RAD51B: variants seen among roughly 807,000 people sequenced by gnomAD.
RAD51B encodes DNA repair protein RAD51 homolog 2.
A neutral mutation model predicts 42.2 loss-of-function variants in RAD51B; 38 were observed. The ratio of observed to expected loss-of-function variants is 0.90; its 90% CI spans 0.70 to 1.18. The LOEUF (loss-of-function observed/expected upper bound fraction) is 1.18. Ranked by LOEUF, RAD51B falls within the 50% of genes most tolerant of loss-of-function variation. The pLI, the probability that RAD51B is intolerant of heterozygous loss-of-function variation, is 0.00. For missense variants in RAD51B, 373 were observed against 400.7 expected (o/e 0.93, Z 0.59); for synonymous variants, 154 against 145.2 (o/e 1.06, Z -0.43).
At chr14:68,186,111 G>A (rs574378234) in intron 7 of RAD51B, among the ~76,000 whole-genome samples, 1 of 152,296 alleles carries the variant, frequency 6.6e-6, no homozygotes, top group African/African-American at 2.4e-5. Context: ...AAGCAATGGG[G>A]AAAGGACTCA....
chr14:68,041,158 C>G (rs2076210920), intron 7 of RAD51B, among the ~76,000 whole-genome samples: 1 of 152,154 alleles, frequency 6.6e-6, no homozygotes, highest in Non-Finnish European at 1.5e-5. Flanking sequence ...CGCCTTTGCT[C>G]TCTCTCCTGT....
chr14:68,536,787 A>C (rs1476586), intron 10 of RAD51B, among the ~76,000 whole-genome samples: 32,478 of 152,096 alleles, frequency 0.21, 3,846 homozygotes, highest in South Asian at 0.3. Context: ...TCTTTCATTA[A>C]AAATTGAGAC....
chr14:68,032,500 C>T (rs2076063241), intron 7 of RAD51B, among the ~76,000 whole-genome samples: 1 of 152,136 alleles, frequency 6.6e-6, no homozygotes, highest in Non-Finnish European at 1.5e-5. Flanking sequence ...TGGCTCAAAT[C>T]AGAAAAATAG....
chr14:67,952,215 GA>G (rs35656945), intron 7 of RAD51B, among the ~76,000 whole-genome samples: 2,160 of 144,904 alleles, frequency 0.015, 41 homozygotes, highest in African/African-American at 0.04. Flanking sequence ...TTCATTTATA[GA>G]AAAAAAAAAA....
chr14:68,259,085 C>A (rs1001662432), intron 7 of RAD51B, among the ~76,000 whole-genome samples: 1 of 152,174 alleles, frequency 6.6e-6, no homozygotes, highest in Non-Finnish European at 1.5e-5. Context: ...GCTGCTCAGA[C>A]ATATTTGTGA....
At chr14:67,871,669 A>G (rs1439586685) in intron 5 of RAD51B, among the ~76,000 whole-genome samples, 1 of 152,176 alleles carries the variant, frequency 6.6e-6, no homozygotes, top group Non-Finnish European at 1.5e-5. Flanking sequence ...CTTGATGAAC[A>G]TTGATGCAAA....
At chr14:67,824,387 A>T (rs1282422964) in intron 2 of RAD51B, among the ~76,000 whole-genome samples, 1 of 152,060 alleles carries the variant, frequency 6.6e-6, no homozygotes, top group African/African-American at 2.4e-5. Flanking sequence ...TCTCCTGAGT[A>T]GCTGGGATTA....
intron 7 of RAD51B, among the ~76,000 whole-genome samples, chr14:68,128,332 G>T (rs1178289100): frequency 6.6e-6 from 1 of 152,102 alleles, no homozygotes; most frequent in Non-Finnish European, 1.5e-5. Flanking sequence ...ATCGCAAGAG[G>T]AGTTTCTTTG....
intron 11 of RAD51B, among the ~76,000 whole-genome samples, chr14:68,654,623 G>A (rs1203734696): frequency 2.0e-5 from 3 of 152,186 alleles, no homozygotes; most frequent in Non-Finnish European, 4.4e-5. Context: ...TTAGACCCCC[G>A]TGGGTGCTTG....
At chr14:68,218,954 T>C (rs112365093) in intron 7 of RAD51B, among the ~76,000 whole-genome samples, 197 of 152,328 alleles carry the variant, frequency 1.3e-3, no homozygotes, top group African/African-American at 4.4e-3. Flanking sequence ...CCAAGTCTGG[T>C]GACAGGACAA....
intron 7 of RAD51B, among the ~76,000 whole-genome samples, chr14:68,202,644 G>A (rs535536510): frequency 7.5e-6 from 1 of 133,430 alleles, no homozygotes; most frequent in South Asian, 2.4e-4. Context: ...GTGCAATGGT[G>A]TGATCTTGGT....
chr14:68,629,672 C>T (rs2140121780), intron 10 of RAD51B, among the ~76,000 whole-genome samples: 1 of 152,306 alleles, frequency 6.6e-6, no homozygotes. Flanking sequence ...CTGTTTGAGG[C>T]CTGACTGGGA....
intron 10 of RAD51B, among the ~76,000 whole-genome samples, chr14:68,633,271 A>G (rs1475801444): frequency 6.6e-6 from 1 of 151,990 alleles, no homozygotes; most frequent in African/African-American, 2.4e-5. Context: ...CAGAAACCTG[A>G]TTCTTTTCCT....
At chr14:68,461,617 C>G (rs1211239705) in intron 9 of RAD51B, among the ~76,000 whole-genome samples, 1 of 152,184 alleles carries the variant, frequency 6.6e-6, no homozygotes, top group African/African-American at 2.4e-5. Flanking sequence ...GGAAGTCTCC[C>G]CTACCCACCC....
intron 10 of RAD51B, among the ~76,000 whole-genome samples, chr14:68,622,689 G>T (rs1005705911): frequency 2.3e-5 from 3 of 131,050 alleles, no homozygotes; most frequent in Non-Finnish European, 4.6e-5. Context: ...TGACTTACAG[G>T]ATTTGATGCT....
At chr14:68,265,256 C>T (rs983340359) in intron 7 of RAD51B, among the ~76,000 whole-genome samples, 2 of 152,144 alleles carry the variant, frequency 1.3e-5, no homozygotes, top group African/African-American at 4.8e-5. Flanking sequence ...GTGATTTGGC[C>T]TTAGTAAAGT....
intron 8 of RAD51B, among the ~76,000 whole-genome samples, chr14:68,395,352 A>G (rs1364763732): frequency 1.3e-5 from 2 of 152,120 alleles, no homozygotes; most frequent in African/African-American, 4.8e-5. Context: ...TGCTACTTTT[A>G]AAGTTTGTGA....
rs1884456794 is a variant in RAD51B, at chr14:68,495,655, C to T, written c.1036+27405C>T. Reference sequence around the variant, plus strand: ...GGGCTCAGACCCCTTCCTCTCTGCTCATATGCCCCTAGATGGGAAACATTC... The same window carrying T: ...GGGCTCAGACCCCTTCCTCTCTGCTTATATGCCCCTAGATGGGAAACATTC... On this transcript the variant is annotated intron_variant, in intron 10 of 10. Coordinates refer to the RAD51B transcript ENST00000487270. 2.0e-5 allele frequency among the ~76,000 whole-genome samples: 3 copies of T among 152,174 alleles called. No individual in the cohort carries two copies. In the South Asian group the frequency reaches 6.2e-4, roughly 31 times the overall value.
chr14:68,434,148 C>T (rs2085086469), intron 9 of RAD51B, among the ~76,000 whole-genome samples: 1 of 152,194 alleles, frequency 6.6e-6, no homozygotes, highest in Non-Finnish European at 1.5e-5. Flanking sequence ...TGTCAGTCTG[C>T]CCCTACTTGG....
Sources: gnomAD v4.1 joint callset for allele counts (sites outside exome capture counted in the v4.1 genomes callset) on GRCh38, gnomAD v4.1.1 for gene constraint, MANE v1.5 for transcripts, NCBI Gene and HGNC (gene_info 2026-07-23, HGNC 2026-07-21) for gene names.